STK31: variants seen among roughly 807,000 people sequenced by gnomAD.
STK31 encodes serine/threonine kinase 31.
In STK31, 89 loss-of-function variants were observed where a neutral mutation model predicts 129.7. That is an observed-to-expected ratio of 0.69 (90% CI 0.58 to 0.82). The LOEUF (loss-of-function observed/expected upper bound fraction) is 0.82, where lower values mean the gene tolerates loss of function less well. STK31 is among the 40% of genes least tolerant of loss of function. STK31 has a pLI of 0.00. For missense variants in STK31, 1,187 were observed against 1,176.4 expected, an observed-to-expected ratio of 1.01 and a Z score of -0.13; for synonymous variants, 448 against 395.3, an observed-to-expected ratio of 1.13 and a Z score of -1.58.
intron 23 of STK31, among the ~76,000 whole-genome samples, chr7:23,827,943 G>A (rs867851810): frequency 5.9e-5 from 9 of 152,132 alleles, no homozygotes; most frequent in Non-Finnish European, 1.2e-4. Context: ...CTGCCTGATC[G>A]TTCCTCTGGG....
chr7:23,720,113 T>C (rs1317123438), intron 4 of STK31, among the ~76,000 whole-genome samples: 5 of 152,172 alleles, frequency 3.3e-5, no homozygotes, highest in African/African-American at 1.2e-4. Context: ...AAATGATGGA[T>C]GGTTTACGTG....
At chr7:23,767,691 C>A (rs1231927316) in intron 11 of STK31, among the ~76,000 whole-genome samples, 1 of 152,162 alleles carries the variant, frequency 6.6e-6, no homozygotes, top group Admixed American at 6.5e-5. Flanking sequence ...GCTGTACTTG[C>A]ATAAACCTGT....
intron 8 of STK31, among the ~76,000 whole-genome samples, chr7:23,739,721 A>G (rs1160751868): frequency 6.6e-6 from 1 of 152,132 alleles, no homozygotes; most frequent in Non-Finnish European, 1.5e-5. Flanking sequence ...CACCGTTTAT[A>G]AAATAGGGAA....
intron 22 of STK31, among the ~76,000 whole-genome samples, chr7:23,808,332 C>G (rs1792851036): frequency 6.6e-6 from 1 of 151,714 alleles, no homozygotes; most frequent in African/African-American, 2.4e-5. Context: ...AGTGTAAATT[C>G]AGCACTTTAT....
chr7:23,782,769 C>T (rs190090698), intron 16 of STK31, among the ~76,000 whole-genome samples: 247 of 152,078 alleles, frequency 1.6e-3, no homozygotes, highest in Non-Finnish European at 2.6e-3. Context: ...TTTTTCTTAA[C>T]GAAACAGCTG....
chr7:23,737,855 T>C (rs1463184334), intron 8 of STK31, among the ~76,000 whole-genome samples: 3 of 126,730 alleles, frequency 2.4e-5, no homozygotes, highest in African/African-American at 8.6e-5. Flanking sequence ...ACAGTGTGGT[T>C]GATAAGTGTG....
Position 23,769,052 on chromosome 7 carries a change from G to A in STK31, c.1474G>A (p.Asp492Asn). Residue 492 changes from aspartate to asparagine, a missense_variant, in exon 12 of 24, where the codon GAT becomes AAT. By Grantham distance (23) the Asp-to-Asn change is conservative. Coordinates refer to ENST00000355870, the MANE Select transcript of STK31 (RefSeq NM_031414.5). The part of the protein sequence containing the change: ...YGQAKEGANS[D>N]EILKKFYDWK... ...ACAAGCCAAAGAAGGAGCAAATTCT[G>A]ATGAAATACTTAAAAAATTTTATGA... 1.2e-6 allele frequency: 2 copies of A among 1,613,128 alleles called. No homozygotes were observed. The highest frequency in any genetic ancestry group is 1.7e-6 in the Non-Finnish European group (2 of 1,179,386).
chr7:23,797,038 G>A (rs10226724), intron 22 of STK31, among the ~76,000 whole-genome samples: 17,223 of 152,076 alleles, frequency 0.11, 1,570 homozygotes, highest in African/African-American at 0.25. Flanking sequence ...TAATGGAAAA[G>A]GGATCAACGC....
chr7:23,772,816 A>T (rs1367292938), intron 15 of STK31, among the ~76,000 whole-genome samples: 4 of 152,152 alleles, frequency 2.6e-5, no homozygotes, highest in Non-Finnish European at 5.9e-5. Flanking sequence ...AACTTTGTGA[A>T]TAAGATAGTA....
chr7:23,788,597 G>C (rs1025649779), intron 21 of STK31, among the ~76,000 whole-genome samples: 2 of 152,074 alleles, frequency 1.3e-5, no homozygotes, highest in African/African-American at 4.8e-5. Flanking sequence ...TGTTAATTCA[G>C]TGTCATATTA....
intron 8 of STK31, among the ~76,000 whole-genome samples, chr7:23,749,056 A>G (rs1029714173): frequency 1.3e-5 from 2 of 152,154 alleles, no homozygotes; most frequent in South Asian, 2.1e-4. Flanking sequence ...TGATAGAGGG[A>G]TGTTGAAGTC....
intron 6 of STK31, among the ~76,000 whole-genome samples, chr7:23,733,115 T>C (rs1787526134): frequency 6.6e-6 from 1 of 152,158 alleles, no homozygotes; most frequent in Admixed American, 6.5e-5. Flanking sequence ...AATGTGTGTA[T>C]TTCTGAATTT....
intron 6 of STK31, among the ~76,000 whole-genome samples, chr7:23,729,511 G>GTTTT (rs72476098): frequency 1.6e-5 from 2 of 121,738 alleles, no homozygotes; most frequent in African/African-American, 3.4e-5. Context: ...GTCTCTTTTT[G>GTTTT]TTTTTTTTTT....
intron 4 of STK31, 124 bp downstream of exon 4, chr7:23,717,703 A>G (rs1278741662): frequency 2.4e-5 from 16 of 678,084 alleles, no homozygotes; most frequent in Middle Eastern, 5.0e-4. Context: ...GAATTTGTAT[A>G]AACTACTGTT....
At chr7:23,786,690 T>C in intron 19 of STK31, 57 bp downstream of exon 19, 3 of 1,575,734 alleles carry the variant, frequency 1.9e-6, no homozygotes, top group East Asian at 2.2e-5. Flanking sequence ...GAAACTATTT[T>C]ATTTAAAATA....
intron 23 of STK31, 32 bp from the exon 24 acceptor site, chr7:23,832,104 C>T: frequency 6.6e-7 from 1 of 1,505,916 alleles, no homozygotes; most frequent in Non-Finnish European, 9.2e-7. Flanking sequence ...CCTTTTGTTC[C>T]TTTGTTTTGT....
chr7:23,790,784 C>A, intron 21 of STK31, 40 bp from the exon 22 acceptor site: 1 of 1,532,778 alleles, frequency 6.5e-7, no homozygotes, highest in Non-Finnish European at 8.8e-7. Flanking sequence ...GTCACCTCAA[C>A]TGTGTTGTAT....
chr7:23,823,996 TGTA>T, intron 23 of STK31, among the ~76,000 whole-genome samples: 1 of 152,342 alleles, frequency 6.6e-6, no homozygotes, highest in Non-Finnish European at 1.5e-5. Context: ...TTTTGGTTAC[TGTA>T]GCCTTGTAGT....
At chr7:23,793,088 T>C (rs1791741499) in intron 22 of STK31, among the ~76,000 whole-genome samples, 1 of 152,222 alleles carries the variant, frequency 6.6e-6, no homozygotes, top group Non-Finnish European at 1.5e-5. Context: ...AGAGACAATA[T>C]AAATAGACTG....
Sources: allele counts gnomAD v4.1 joint callset (sites outside exome capture counted in the v4.1 genomes callset), GRCh38; gene constraint gnomAD v4.1.1; transcripts MANE v1.5; gene names NCBI Gene and HGNC (gene_info 2026-07-23, HGNC 2026-07-21).